The following DCAF15 variants were observed in gnomAD, a reference collection of about 807,000 sequenced individuals.
The protein encoded by DCAF15 is DDB1 and CUL4 associated factor 15.
In DCAF15, 24 loss-of-function variants were observed where a neutral mutation model predicts 68.0. The observed-to-expected ratio is 0.35, with a 90% CI of 0.26 to 0.50. The LOEUF is 0.50. DCAF15 is among the 20% of genes least tolerant of loss of function. The pLI, the probability that DCAF15 is intolerant of heterozygous loss-of-function variation, is 0.98. For synonymous variants in DCAF15, 376 were observed against 341.6 expected, an observed-to-expected ratio of 1.10 and a Z score of -1.11; for missense variants, 627 against 830.6, an observed-to-expected ratio of 0.75 and a Z score of 3.01.
chr19:13,952,568 G>A lies in DCAF15; in HGVS notation c.56G>A (p.Gly19Asp). Residue 19 changes from glycine (G) to aspartate (D), a missense_variant, in exon 1 of 13, where the codon GGC (glycine) becomes GAC (aspartate). Transcript: ENST00000254337. ...RNSGAGSGGG[G>D]PGGAGGKRAA... ...AGCGGGGCTGGGAGCGGCGGCGGCGGCCCCGGGGGAGCCGGAGGGAAGCGG... is the reference window on the plus strand; with the variant it reads ...AGCGGGGCTGGGAGCGGCGGCGGCGACCCCGGGGGAGCCGGAGGGAAGCGG... 1 of 1,265,534 alleles carries A rather than the reference G, an allele frequency of 7.9e-7. No homozygotes were observed. The highest frequency in any genetic ancestry group is 1.0e-6 in the Non-Finnish European group (1 of 1,001,724). The allele number at this position is 1,265,534 out of a possible 1,614,324, so 78.4% of individuals were successfully genotyped here. A position where few individuals can be genotyped will look rare whatever the true frequency, so the allele number is the denominator to read the frequency against.
Position 13,961,066 on chromosome 19 carries a change from C to T in DCAF15, c.*71C>T. 4 of 1,590,190 alleles carry T rather than the reference C, an allele frequency of 2.5e-6. No individual in the cohort carries two copies. The highest frequency in any genetic ancestry group is 1.1e-5 in the South Asian group (1 of 90,308). ...GGGACCGGCCCCCTTCCTGGGGTGG[C>T]CTCTTCCTGGCCGGCTGGCCCACCG... On this transcript the variant is annotated 3_prime_UTR_variant, in exon 13 of 13. Coordinates refer to ENST00000254337, the MANE Select transcript of DCAF15 (RefSeq NM_138353.4).
At position 13,959,067 on chromosome 19, in the gene DCAF15, C is replaced by G. The variant is rs1485864402; in HGVS notation, c.807C>G (p.Ile269Met). 2.5e-6 allele frequency: 4 copies of G among 1,607,506 alleles called. No homozygotes were observed. The highest frequency in any genetic ancestry group is 3.4e-6 in the Non-Finnish European group (4 of 1,176,836). Residue 269 changes from isoleucine to methionine, a missense_variant, in exon 7 of 13, where the codon ATC (isoleucine) becomes ATG (methionine). Physicochemically the swap from Ile to Met is conservative, Grantham distance 10. This residue lies in a region of DCAF15 where 273 missense variants were observed against 393.7 expected (regional missense o/e 0.69). Coordinates refer to ENST00000254337, the MANE Select transcript of DCAF15 (RefSeq NM_138353.4). ...HSAGDRSFCQILYDHSTCPLA... is the reference protein window; with the variant it reads ...HSAGDRSFCQMLYDHSTCPLA... ...TAGGTGACAGGAGTTTCTGCCAAAT[C>G]CTGTATGACCACAGCACCTGCCCCC...
Position 13,954,672 on chromosome 19 carries a change from T to G in DCAF15, c.366+11T>G. 1.9e-6 allele frequency: 3 copies of G among 1,613,948 alleles called. No individual in the cohort carries two copies. Among genetic ancestry groups the G allele is most frequent in the Non-Finnish European group, 2.5e-6 (3 of 1,179,878 alleles). On this transcript the variant is annotated intron_variant, in intron 3 of 12. Coordinates refer to ENST00000254337, the MANE Select transcript of DCAF15 (RefSeq NM_138353.4). The stretch of plus-strand genomic sequence containing the variant: ...AGCAAGCTCAAGCTGGTAGGGAGGC[T>G]TCAACACCAGGCTGGCCCTTCAGAT...
intron 3 of DCAF15, among the ~76,000 whole-genome samples, chr19:13,955,062 C>T (rs1973296410): frequency 6.6e-6 from 1 of 151,818 alleles, no homozygotes; most frequent in South Asian, 2.1e-4. Context: ...GCCATGATCA[C>T]ACCATTGCAC....
chr19:13,956,621 A>C (rs1256285124), intron 6 of DCAF15, 99 bp downstream of exon 6: 3 of 1,352,198 alleles, frequency 2.2e-6, no homozygotes, highest in Non-Finnish European at 3.0e-6. Flanking sequence ...GAGAGGTGGG[A>C]GCTACTTCCC....
In DCAF15 at chr19:13,959,894, A is replaced by AGGTGAGCCCAGGGCGGGCAG; in HGVS notation, c.1440+3_1440+4insAGCCCAGGGCGGGCAGGGTG. The AGGTGAGCCCAGGGCGGGCAG allele has an allele frequency of 3.3e-6, 5 of 1,499,468 alleles. No individual in the cohort carries two copies. Among genetic ancestry groups the AGGTGAGCCCAGGGCGGGCAG allele is most frequent in the Non-Finnish European group, 3.6e-6 (4 of 1,097,622 alleles). 92.9% of individuals were successfully genotyped at this position (1,499,468 alleles called of 1,614,324 possible). ...AGCGACTATGACATCGTCATTCTGGAGGTGGGCCCAGGGCGGGCAGGGTGG... is the reference window on the plus strand; with the variant it reads ...AGCGACTATGACATCGTCATTCTGGAGGTGAGCCCAGGGCGGGCAGGGTGGGCCCAGGGCGGGCAGGGTGG... On this transcript the variant is annotated frameshift_variant and splice_region_variant, in exon 9 of 13. Coordinates refer to ENST00000254337, the MANE Select transcript of DCAF15 (RefSeq NM_138353.4). LOFTEE classifies it high-confidence loss of function.
chr19:13,960,274 C>A lies in DCAF15; in HGVS notation c.1527-13C>A. 1 of 1,612,500 alleles carries A rather than the reference C, an allele frequency of 6.2e-7. No homozygotes were observed. Among genetic ancestry groups the A allele is most frequent in the South Asian group, 1.1e-5 (1 of 91,032 alleles). On this transcript the variant is annotated splice_polypyrimidine_tract_variant and intron_variant, in intron 10 of 12. Transcript: ENST00000254337. Reference sequence around the variant, plus strand: ...CTGTCCCAGCGTTTGTCCTATGTCCCTCTCCACTGTAGACCAAAGACCTAT... The same window carrying A: ...CTGTCCCAGCGTTTGTCCTATGTCCATCTCCACTGTAGACCAAAGACCTAT...
chr19:13,958,100 C>G (rs1440548677), intron 6 of DCAF15, among the ~76,000 whole-genome samples: 1 of 152,136 alleles, frequency 6.6e-6, no homozygotes. Flanking sequence ...AAGGGTGAGG[C>G]GCTGTCTCTT....
intron 5 of DCAF15, 44 bp downstream of exon 5, chr19:13,956,306 C>CT (rs1430086680): frequency 1.2e-6 from 2 of 1,611,684 alleles, no homozygotes; most frequent in Non-Finnish European, 1.7e-6. Flanking sequence ...CCCTCCCCCC[C>CT]TTGCTCCGGG....
At position 13,960,990 on chromosome 19, in the gene DCAF15, C is replaced by T. The variant is rs1429778272; in HGVS notation, c.1798C>T (p.Leu600=). 4 of 1,613,700 alleles carry T rather than the reference C, an allele frequency of 2.5e-6. No homozygotes were observed. The highest frequency in any genetic ancestry group is 2.7e-5 in the African/African-American group (2 of 74,928). Residue 600 remains leucine, a synonymous_variant, in exon 13 of 13, where the codon CTG becomes TTG. Transcript: ENST00000254337. ...ADSERYTWIV[L] ...CAGCGAGCGATATACGTGGATCGTG[C>T]TGTGAGGGCCAGGCCGCCCCGGACA...
rs1973623757 is a variant in DCAF15 at position 13,961,215 on chromosome 19, G to A, written c.*220G>A. 5 of 600,542 alleles carry A rather than the reference G, an allele frequency of 8.3e-6. No individual in the cohort carries two copies. The highest frequency in any genetic ancestry group is 3.9e-5 in the South Asian group (2 of 51,648). 37.2% of individuals were successfully genotyped at this position (600,542 alleles called of 1,614,324 possible). A position where few individuals can be genotyped will look rare whatever the true frequency, so the allele number is the denominator to read the frequency against. The stretch of plus-strand genomic sequence containing the variant: ...AGTTGGGAAGGGGCAGAGAGAGGGC[G>A]CCCCCTGCCCCACCAGCCTGAGTGC... On this transcript the variant is annotated 3_prime_UTR_variant, in exon 13 of 13. Coordinates refer to ENST00000254337, the MANE Select transcript of DCAF15 (RefSeq NM_138353.4).
rs772528776 is a variant in DCAF15 at position 13,960,986 on chromosome 19, C to T, written c.1794C>T (p.Ile598=). 18 of 1,613,762 alleles carry T rather than the reference C, an allele frequency of 1.1e-5. No homozygotes were observed. The highest frequency in any genetic ancestry group is 3.3e-5 in the South Asian group (3 of 91,092). ...CGGACAGCGAGCGATATACGTGGAT[C>T]GTGCTGTGAGGGCCAGGCCGCCCCG... ...VLADSERYTW[I]VL The change falls in exon 13 of 13, where the codon ATC becomes ATT. Residue 598 remains isoleucine (I), a synonymous_variant. Coordinates refer to ENST00000254337, the MANE Select transcript of DCAF15 (RefSeq NM_138353.4).
At chr19:13,960,706 C>A in intron 12 of DCAF15, 126 bp downstream of exon 12, 1 of 1,067,966 alleles carries the variant, frequency 9.4e-7, no homozygotes, top group Non-Finnish European at 1.4e-6. Flanking sequence ...CCAGGCCAGG[C>A]CCAGCTCAGC....
chr19:13,952,595 C>T lies in DCAF15; in HGVS notation c.83C>T (p.Ala28Val). 7.9e-7 allele frequency: 1 copy of T among 1,264,842 alleles called. No homozygotes were observed. Among genetic ancestry groups the T allele is most frequent in the Non-Finnish European group, 1.0e-6 (1 of 1,001,956 alleles). 78.4% of individuals were successfully genotyped at this position (1,264,842 alleles called of 1,614,324 possible). ...CCCGGGGGAGCCGGAGGGAAGCGGG[C>T]AGCAGGGCGGCGGCGGGAGCACGTC... Reference protein sequence around the residue: ...GGPGGAGGKRAAGRRREHVLK... With the variant: ...GGPGGAGGKRVAGRRREHVLK... The change falls in exon 1 of 13, where the codon GCA becomes GTA. Residue 28 changes from alanine (A) to valine (V), a missense_variant. Physicochemically the swap from Ala to Val is moderately conservative, Grantham distance 64. Around this residue, in one of 3 missense-constraint regions of DCAF15, gnomAD observed 273 missense variants for 393.7 expected, o/e 0.69. Transcript: ENST00000254337.
chr19:13,953,177 C>T (rs1305243656), intron 1 of DCAF15: 10 of 1,513,536 alleles, frequency 6.6e-6, no homozygotes, highest in Admixed American at 2.2e-5. Flanking sequence ...GAGTCTTCCC[C>T]CGCAGAGTGA....
At chr19:13,953,576 C>T (rs1973195459) in intron 1 of DCAF15, among the ~76,000 whole-genome samples, 1 of 152,222 alleles carries the variant, frequency 6.6e-6, no homozygotes, top group South Asian at 2.1e-4. Flanking sequence ...AGACTGAGAC[C>T]TCCATGTGGA....
Position 13,961,255 on chromosome 19 carries a change from G to A in DCAF15, c.*260G>A, listed in dbSNP as rs1305404397. On this transcript the variant is annotated 3_prime_UTR_variant, in exon 13 of 13. Coordinates refer to ENST00000254337, the MANE Select transcript of DCAF15 (RefSeq NM_138353.4). The stretch of plus-strand genomic sequence containing the variant: ...AGCCTGAGTGCCCCGCCTTCACCCC[G>A]AGCTGGGCATGGGCCTGGCCCCTCG... 8.9e-6 allele frequency: 5 copies of A among 562,064 alleles called. No individual in the cohort carries two copies. Among genetic ancestry groups the A allele is most frequent in the South Asian group, 6.0e-5 (3 of 49,954 alleles). 34.8% of individuals were successfully genotyped at this position (562,064 alleles called of 1,614,324 possible).
intron 5 of DCAF15, 38 bp from the exon 6 acceptor site, chr19:13,956,314 G>C: frequency 1.9e-6 from 3 of 1,611,892 alleles, no homozygotes; most frequent in Non-Finnish European, 2.5e-6. Context: ...CCCTTGCTCC[G>C]GGCCGAGAGT....
At chr19:13,956,579 C>A in intron 6 of DCAF15, 57 bp downstream of exon 6, 3 of 1,579,798 alleles carry the variant, frequency 1.9e-6, no homozygotes, top group Non-Finnish European at 2.6e-6. Flanking sequence ...CCTCTCCCTA[C>A]CCCACCACAC....
Sources: gnomAD v4.1 joint callset for allele counts (sites outside exome capture counted in the v4.1 genomes callset) on GRCh38, gnomAD v4.1.1 for gene constraint, gnomAD v4.1.1 regional missense constraint, MANE v1.5 for transcripts, NCBI Gene and HGNC (gene_info 2026-07-23, HGNC 2026-07-21) for gene names.